The following PCDH15 variants were observed in gnomAD, a reference collection of about 807,000 sequenced individuals.
PCDH15 encodes protocadherin related 15, also known as protocadherin-15.
A neutral mutation model predicts 178.5 loss-of-function variants in PCDH15; 129 were observed. The ratio of observed to expected loss-of-function variants is 0.72; its 90% CI spans 0.63 to 0.84. The LOEUF is 0.84. Ranked by LOEUF, PCDH15 falls within the 40% of genes least tolerant of loss-of-function variation. The probability of loss-of-function intolerance (pLI) is 0.00; values close to 1 mark genes in which losing one functional copy is unlikely to be tolerated. For synonymous variants in PCDH15, 800 were observed against 732.0 expected (o/e 1.09, Z -1.50); for missense variants, 2,230 against 2,099.9 (o/e 1.06, Z -1.21).
At chr10:54,058,414 G>A (rs2093943777) in intron 18 of PCDH15, among the ~76,000 whole-genome samples, 1 of 152,158 alleles carries the variant, frequency 6.6e-6, no homozygotes, top group Admixed American at 6.5e-5. Context: ...ATGGTGGTAG[G>A]AAAGACAGCG....
At chr10:54,328,851 A>C (rs1938771335) in intron 7 of PCDH15, among the ~76,000 whole-genome samples, 1 of 151,926 alleles carries the variant, frequency 6.6e-6, no homozygotes, top group Non-Finnish European at 1.5e-5. Context: ...TTGAACTGTC[A>C]AACCAAACAT....
At chr10:54,766,929 C>CA (rs777507875) in intron 1 of PCDH15, among the ~76,000 whole-genome samples, 11 of 139,658 alleles carry the variant, frequency 7.9e-5, no homozygotes, top group Non-Finnish European at 1.7e-4. Flanking sequence ...GACTCCATCT[C>CA]AAAAAAACAA....
At chr10:54,576,336 C>T (rs911239776) in intron 2 of PCDH15, among the ~76,000 whole-genome samples, 1 of 152,156 alleles carries the variant, frequency 6.6e-6, no homozygotes, top group African/African-American at 2.4e-5. Flanking sequence ...TAAGACCAGA[C>T]TTGGAGAAAT....
rs529610977 is a variant in PCDH15, at chr10:55,037,477, C to A, written c.-80+129099G>T. Among the ~76,000 whole-genome samples, 15 of 152,174 alleles carry A rather than the reference C, an allele frequency of 9.9e-5. No individual in the cohort carries two copies. The South Asian group carries it at 3.1e-3, about 32-fold the overall frequency. The stretch of plus-strand genomic sequence containing the variant: ...TCGAACTGCTGACCTCGTGATGCGC[C>A]CATCTCGGACTCCCAAAGTGTTGAG... On this transcript the variant is annotated intron_variant, in intron 2 of 5. Coordinates refer to the PCDH15 transcript ENST00000458638.
chr10:55,251,963 G>T (rs1486173643), intron 1 of PCDH15, among the ~76,000 whole-genome samples: 1 of 152,074 alleles, frequency 6.6e-6, no homozygotes, highest in South Asian at 2.1e-4. Flanking sequence ...ATTGGCTACT[G>T]GTTCACAAAT....
intron 2 of PCDH15, among the ~76,000 whole-genome samples, chr10:55,351,727 C>G (rs938400201): frequency 2.6e-5 from 4 of 152,044 alleles, no homozygotes; most frequent in Admixed American, 2.0e-4. Context: ...ATACACTGCT[C>G]CCAAATCTGT....
intron 1 of PCDH15, among the ~76,000 whole-genome samples, chr10:55,302,989 C>T (rs1843323894): frequency 6.6e-6 from 1 of 151,920 alleles, no homozygotes; most frequent in Non-Finnish European, 1.5e-5. Flanking sequence ...TAAAATACTA[C>T]AACACAAAGT....
intron 2 of PCDH15, among the ~76,000 whole-genome samples, chr10:54,556,922 A>T (rs1178500365): frequency 1.3e-5 from 2 of 152,036 alleles, no homozygotes; most frequent in Non-Finnish European, 2.9e-5. Flanking sequence ...TGTGTGATTT[A>T]AAATTAATTA....
chr10:53,925,643 C>T (rs1190852789), intron 25 of PCDH15, among the ~76,000 whole-genome samples: 2 of 152,196 alleles, frequency 1.3e-5, no homozygotes, highest in African/African-American at 4.8e-5. Flanking sequence ...AGGGAATCTC[C>T]TATCATTACA....
chr10:54,629,558 A>G (rs541464292), intron 2 of PCDH15, among the ~76,000 whole-genome samples: 7 of 152,130 alleles, frequency 4.6e-5, no homozygotes, highest in Non-Finnish European at 7.4e-5. Flanking sequence ...CTTTATGATA[A>G]AAACCTACAA....
chr10:55,297,093 G>T (rs1201937804), intron 1 of PCDH15, among the ~76,000 whole-genome samples: 3 of 151,638 alleles, frequency 2.0e-5, no homozygotes, highest in Non-Finnish European at 2.9e-5. Context: ...AAAGCCTTAT[G>T]GTGTTTACAT....
At chr10:55,368,147 AT>A (rs1845412527) in intron 2 of PCDH15, among the ~76,000 whole-genome samples, 1 of 152,076 alleles carries the variant, frequency 6.6e-6, no homozygotes, top group Non-Finnish European at 1.5e-5. Flanking sequence ...ACAGAATGAT[AT>A]TTATTCTCAT....
chr10:55,081,185 T>G (rs1460769020), intron 2 of PCDH15, among the ~76,000 whole-genome samples: 1 of 152,138 alleles, frequency 6.6e-6, no homozygotes, highest in Admixed American at 6.6e-5. Flanking sequence ...CTTTCTTCCA[T>G]CTCCTTCTCT....
At chr10:55,145,401 T>C (rs1359322895) in intron 2 of PCDH15, among the ~76,000 whole-genome samples, 1 of 152,028 alleles carries the variant, frequency 6.6e-6, no homozygotes, top group Non-Finnish European at 1.5e-5. Context: ...ATAAATATAT[T>C]GCAGGTGATT....
At chr10:53,863,822 G>A (rs1026889833) in intron 27 of PCDH15, among the ~76,000 whole-genome samples, 12 of 152,268 alleles carry the variant, frequency 7.9e-5, no homozygotes, top group Admixed American at 1.3e-4. Flanking sequence ...AGAGGTACAG[G>A]CTTTAGATAA....
intron 2 of PCDH15, among the ~76,000 whole-genome samples, chr10:55,146,249 A>G (rs923871215): frequency 1.3e-5 from 2 of 152,122 alleles, no homozygotes; most frequent in Non-Finnish European, 2.9e-5. Flanking sequence ...TTGGGCAATG[A>G]GTTCTAAGCA....
chr10:55,583,789 C>G (rs1462018608), intron 2 of PCDH15, among the ~76,000 whole-genome samples: 1 of 152,048 alleles, frequency 6.6e-6, no homozygotes, highest in African/African-American at 2.4e-5. Context: ...TAAATGCAAT[C>G]TTTTCACCAC....
intron 2 of PCDH15, among the ~76,000 whole-genome samples, chr10:55,082,568 G>C: frequency 7.5e-6 from 1 of 132,828 alleles, no homozygotes; most frequent in Non-Finnish European, 1.6e-5. Context: ...AGCAGAAATA[G>C]GTGAAATTGA....
chr10:54,969,190 A>T (rs573589226), intron 2 of PCDH15, among the ~76,000 whole-genome samples: 1 of 152,204 alleles, frequency 6.6e-6, no homozygotes, highest in East Asian at 1.9e-4. Flanking sequence ...TACATGATAA[A>T]TGTCTTTCTG....
Sources: gnomAD v4.1 joint callset for allele counts (sites outside exome capture counted in the v4.1 genomes callset) on GRCh38, gnomAD v4.1.1 for gene constraint, MANE v1.5 for transcripts, NCBI Gene and HGNC (gene_info 2026-07-23, HGNC 2026-07-21) for gene names.